Variants in ZFPL1 observed in about 807,000 individuals in gnomAD.
ZFPL1 encodes the protein zinc finger protein like 1.
In ZFPL1, 28 loss-of-function variants were observed where a neutral mutation model predicts 32.0. The observed-to-expected ratio is 0.87, with a 90% CI of 0.65 to 1.20. The LOEUF is 1.20. Ranked by LOEUF, ZFPL1 falls within the 50% of genes most tolerant of loss-of-function variation. The pLI is 0.00. For missense variants in ZFPL1, 386 were observed against 424.8 expected (o/e 0.91, Z 0.80); for synonymous variants, 165 against 177.0 (o/e 0.93, Z 0.54).
At chr11:65,087,885 C>A (rs370704790) in intron 7 of ZFPL1, 43 bp from the exon 8 acceptor site, 2 of 1,516,060 alleles carry the variant, frequency 1.3e-6, no homozygotes, top group Non-Finnish European at 1.7e-6. Flanking sequence ...GCGGGGGCCA[C>A]CAGGGACTGG....
In ZFPL1 at chr11:65,088,302, A is replaced by G; in HGVS notation, c.*188A>G. 1.8e-6 allele frequency: 2 copies of G among 1,103,980 alleles called. No homozygotes were observed. Among genetic ancestry groups the G allele is most frequent in the Non-Finnish European group, 1.3e-6 (1 of 764,310 alleles). The allele number at this position is 1,103,980 out of a possible 1,614,324, so 68.4% of individuals were successfully genotyped here. On this transcript the variant is annotated 3_prime_UTR_variant, in exon 8 of 8. Transcript: ENST00000294258. ...GGCCTGGAGTCCCCGTGGGTCAAGC[A>G]TTTGTCTTGACTTGCTTTCCTCCCG...
At chr11:65,087,172 C>A in intron 6 of ZFPL1, 98 bp downstream of exon 6, 2 of 1,562,224 alleles carry the variant, frequency 1.3e-6, no homozygotes, top group African/African-American at 1.4e-5. Flanking sequence ...CCCGGAGGAA[C>A]CTTTCCTTAA....
chr11:65,087,194 C>T, intron 6 of ZFPL1, 120 bp downstream of exon 6: 2 of 1,549,922 alleles, frequency 1.3e-6, no homozygotes, highest in African/African-American at 1.4e-5. Context: ...CCAGGCACAG[C>T]CATTACCTCC....
chr11:65,087,711 G>A (rs762466789), intron 7 of ZFPL1: 26 of 625,708 alleles, frequency 4.2e-5, no homozygotes, highest in Non-Finnish European at 6.6e-5. Context: ...AATTCTCCCC[G>A]ACGTCTGACA....
chr11:65,086,898 T>G, intron 5 of ZFPL1, 30 bp from the exon 6 acceptor site: 1 of 1,613,320 alleles, frequency 6.2e-7, no homozygotes, highest in Non-Finnish European at 8.5e-7. Context: ...TATGCACTGC[T>G]TCTGCTGACG....
Position 65,086,709 on chromosome 11 carries a change from C to T in ZFPL1, c.409-11C>T, listed in dbSNP as rs776996510. 6.2e-7 allele frequency: 1 copy of T among 1,614,212 alleles called. No individual in the cohort carries two copies. Among genetic ancestry groups the T allele is most frequent in the Non-Finnish European group, 8.5e-7 (1 of 1,180,040 alleles). ...ACTAGGCAGCCTGGTGACCCAGATTCCTTCCTCCAGATCGATGAGGTGGTG... is the reference window on the plus strand; with the variant it reads ...ACTAGGCAGCCTGGTGACCCAGATTTCTTCCTCCAGATCGATGAGGTGGTG... On this transcript the variant is annotated splice_polypyrimidine_tract_variant and intron_variant, in intron 4 of 7. Coordinates refer to ENST00000294258, the MANE Select transcript of ZFPL1 (RefSeq NM_006782.4).
rs2137167683 is a variant in ZFPL1, at chr11:65,087,914, C to T, written c.747-14C>T. Reference sequence around the variant, plus strand: ...GGACTGGGGCCTGACCTGATTTTCCCCTCATCCCCCCAGGAGCCGGGCTGG... The same window carrying T: ...GGACTGGGGCCTGACCTGATTTTCCTCTCATCCCCCCAGGAGCCGGGCTGG... On this transcript the variant is annotated splice_polypyrimidine_tract_variant and intron_variant, in intron 7 of 7. Coordinates refer to ENST00000294258, the MANE Select transcript of ZFPL1 (RefSeq NM_006782.4). The T allele has an allele frequency of 1.9e-6, 3 of 1,547,074 alleles. No homozygotes were observed. The highest frequency in any genetic ancestry group is 2.6e-6 in the Non-Finnish European group (3 of 1,160,982).
Position 65,084,274 on chromosome 11 carries a change from C to T in ZFPL1, c.-113C>T, listed in dbSNP as rs962505868. 15 of 556,756 alleles carry T rather than the reference C, an allele frequency of 2.7e-5. No individual in the cohort carries two copies. The highest frequency in any genetic ancestry group is 1.3e-4 in the Admixed American group (4 of 29,886). The allele number at this position is 556,756 out of a possible 1,614,324, so 34.5% of individuals were successfully genotyped here. ...GGGCGGCCGGGGCTGAAGGGAGAGG[C>T]GCAGGAGCCCTGGGGAGAGTGGTCC... On this transcript the variant is annotated 5_prime_UTR_variant, in exon 1 of 8. Transcript: ENST00000294258.
intron 7 of ZFPL1, 108 bp from the exon 8 acceptor site, chr11:65,087,820 C>T (rs1313247145): frequency 9.1e-6 from 11 of 1,207,180 alleles, no homozygotes; most frequent in Non-Finnish European, 1.1e-5. Flanking sequence ...CCCTGAGGCA[C>T]AGACGAGGAG....
chr11:65,088,201 ACTGCCCCT>A lies in ZFPL1; in HGVS notation c.*90_*97del. The A allele has an allele frequency of 6.9e-7, 1 of 1,458,914 alleles. No individual in the cohort carries two copies. Among genetic ancestry groups the A allele is most frequent in the Non-Finnish European group, 9.3e-7 (1 of 1,072,120 alleles). The allele number at this position is 1,458,914 out of a possible 1,614,324, so 90.4% of individuals were successfully genotyped here. ...ATGGGGAGGCTGAGGGCACCTCTTC[ACTGCCCCT>A]CTCCCTCAAGCCTAAGACACTAAGA... On this transcript the variant is annotated 3_prime_UTR_variant, in exon 8 of 8. Transcript: ENST00000294258.
In ZFPL1 at chr11:65,087,932, C is replaced by A; in HGVS notation, c.751C>A (p.Arg251=). 6.4e-7 allele frequency: 1 copy of A among 1,560,572 alleles called. No homozygotes were observed. Among genetic ancestry groups the A allele is most frequent in the South Asian group, 1.2e-5 (1 of 85,000 alleles). The part of the protein sequence containing the change: ...LGWLARLLRS[R]AGSRKRPLTL... ...ATTTTCCCCTCATCCCCCCAGGAGC[C>A]GGGCTGGGTCTCGGAAGCGGCCGCT... The change falls in exon 8 of 8, where the codon CGG becomes AGG. Residue 251 remains arginine (R), a synonymous_variant. Transcript: ENST00000294258.
chr11:65,086,101 A>T, intron 3 of ZFPL1: 1 of 439,498 alleles, frequency 2.3e-6, no homozygotes. Flanking sequence ...ACTGTTCATT[A>T]TTAGCCATTA....
At chr11:65,087,694 T>C in intron 7 of ZFPL1, 1 of 617,206 alleles carries the variant, frequency 1.6e-6, no homozygotes, top group Non-Finnish European at 2.8e-6. Flanking sequence ...CACCCCCTAA[T>C]CTTTGTAATT....
chr11:65,084,259 G>T lies in ZFPL1; in HGVS notation c.-128G>T. ...GCGGAGGGATAATCGGGGCGGCCGG[G>T]GCTGAAGGGAGAGGCGCAGGAGCCC... On this transcript the variant is annotated 5_prime_UTR_variant, in exon 1 of 8. Transcript: ENST00000294258. 3.5e-6 allele frequency: 2 copies of T among 569,470 alleles called. No homozygotes were observed. Among genetic ancestry groups the T allele is most frequent in the Non-Finnish European group, 6.2e-6 (2 of 321,126 alleles). 35.3% of individuals were successfully genotyped at this position (569,470 alleles called of 1,614,324 possible).
chr11:65,087,100 C>A lies in ZFPL1; in HGVS notation c.628+26C>A, dbSNP rs753194089. On this transcript the variant is annotated intron_variant, in intron 6 of 7. Transcript: ENST00000294258. ...GTGAGCCTGGGAGTTATCCAGGCCG[C>A]AGAAGGATAGGAAGAGGGTGGAATG... 4 of 1,602,880 alleles carry A rather than the reference C, an allele frequency of 2.5e-6. No homozygotes were observed. The South Asian group carries it at 4.4e-5, about 18-fold the overall frequency.
chr11:65,086,999 C>T lies in ZFPL1; in HGVS notation c.553C>T (p.Arg185Trp), dbSNP rs201011386. The change falls in exon 6 of 8, where the codon CGG (arginine) becomes TGG (tryptophan). Residue 185 changes from arginine (R) to tryptophan (W), a missense_variant. Coordinates refer to ENST00000294258, the MANE Select transcript of ZFPL1 (RefSeq NM_006782.4). Reference sequence around the variant, plus strand: ...CCCAGCCTTCTACAGCCAGGCCCCCCGGCCCCCAGCTTCCCCAGGCCGGCC... The same window carrying T: ...CCCAGCCTTCTACAGCCAGGCCCCCTGGCCCCCAGCTTCCCCAGGCCGGCC... ...AAPAFYSQAP[R>W]PPASPGRPEQ... is the part of the protein sequence containing the mutation. 185 of 1,613,916 alleles carry T rather than the reference C, an allele frequency of 1.1e-4. No individual in the cohort carries two copies. The East Asian group carries it at 2.4e-3, about 21-fold the overall frequency.
Position 65,086,414 on chromosome 11 carries a change from G to T in ZFPL1, c.215-1G>T. ...TTCTCCCCTGTCTCATGGGCCCTAA[G>T]ATCTCTTTCACTGGGCCTGCCTCAA... On this transcript the variant is annotated splice_acceptor_variant, in intron 3 of 7. Transcript: ENST00000294258. LOFTEE classifies it high-confidence loss of function. 1 of 1,614,060 alleles carries T rather than the reference G, an allele frequency of 6.2e-7. No homozygotes were observed. The highest frequency in any genetic ancestry group is 1.1e-5 in the South Asian group (1 of 91,088).
intron 1 of ZFPL1, 152 bp from the exon 2 acceptor site, chr11:65,084,539 T>C: frequency 1.5e-6 from 1 of 659,428 alleles, no homozygotes; most frequent in Middle Eastern, 3.8e-4. Flanking sequence ...CAGGGGGTGT[T>C]TCTCCGCATA....
intron 3 of ZFPL1, chr11:65,086,035 A>C: frequency 3.5e-6 from 1 of 288,224 alleles, no homozygotes; most frequent in Non-Finnish European, 6.7e-6. Context: ...ATTTGTGCCC[A>C]GGGATGTGTA....
Sources: allele counts gnomAD v4.1 joint callset, GRCh38; gene constraint gnomAD v4.1.1; transcripts MANE v1.5; gene names NCBI Gene and HGNC (gene_info 2026-07-23, HGNC 2026-07-21).